OSBPL10: variants seen among roughly 807,000 people sequenced by gnomAD.
The protein encoded by OSBPL10 is oxysterol-binding protein-related protein 10.
Under a neutral mutation model 81.7 loss-of-function variants are expected in OSBPL10, and 49 were observed. The ratio of observed to expected loss-of-function variants is 0.60; its 90% CI spans 0.48 to 0.76. The LOEUF is 0.76. OSBPL10 is among the 30% of genes least tolerant of loss of function. The pLI is 0.00. For missense variants in OSBPL10, 923 were observed against 987.8 expected, an observed-to-expected ratio of 0.93 and a Z score of 0.88; for synonymous variants, 419 against 383.6, an observed-to-expected ratio of 1.09 and a Z score of -1.08.
At chr3:31,957,776 G>A (rs1487849656) in intron 1 of OSBPL10, among the ~76,000 whole-genome samples, 2 of 152,116 alleles carry the variant, frequency 1.3e-5, no homozygotes, top group Admixed American at 1.3e-4. Context: ...AAATAGCTGG[G>A]ATTACAGGCA....
At chr3:31,866,345 G>A (rs1005118638) in intron 3 of OSBPL10, among the ~76,000 whole-genome samples, 4 of 152,110 alleles carry the variant, frequency 2.6e-5, no homozygotes, top group African/African-American at 7.2e-5. Flanking sequence ...AAGCAGGGGC[G>A]AGGTCTATCA....
chr3:31,722,146 A>AC (rs1414364854), intron 6 of OSBPL10, among the ~76,000 whole-genome samples: 1 of 152,186 alleles, frequency 6.6e-6, no homozygotes, highest in African/African-American at 2.4e-5. Context: ...TGAGACTTAG[A>AC]AATTTTTTTT....
intron 4 of OSBPL10, among the ~76,000 whole-genome samples, chr3:31,823,946 G>A (rs1366622564): frequency 6.6e-6 from 1 of 151,960 alleles, no homozygotes; most frequent in East Asian, 1.9e-4. Flanking sequence ...CCACTGCCCA[G>A]GCTCAAAGGA....
chr3:31,813,246 G>A (rs1340021782), intron 4 of OSBPL10, among the ~76,000 whole-genome samples: 1 of 152,190 alleles, frequency 6.6e-6, no homozygotes, highest in African/African-American at 2.4e-5. Flanking sequence ...GATGACCAAA[G>A]CATCTTTGAG....
At chr3:32,032,539 G>C (rs1314254100) in intron 2 of OSBPL10, among the ~76,000 whole-genome samples, 1 of 152,062 alleles carries the variant, frequency 6.6e-6, no homozygotes, top group East Asian at 1.9e-4. Flanking sequence ...CTTCTTGCAT[G>C]ACCCCTCCTC....
rs373556775 is a variant in OSBPL10 at position 31,911,460 on chromosome 3, G to A, written c.282-31630C>T. ...ATCTCCAGATACCCTCAGGGGAATG[G>A]CGAAACACCACTAAGCTTGGGGTAA... On this transcript the variant is annotated intron_variant, in intron 1 of 11. Transcript: ENST00000396556. 3.3e-3 allele frequency among the ~76,000 whole-genome samples: 500 copies of A among 152,162 alleles called. 2 individuals are homozygous for A. Among genetic ancestry groups the A allele is most frequent in the African/African-American group, 0.011 (454 of 41,528 alleles).
intron 4 of OSBPL10, among the ~76,000 whole-genome samples, chr3:31,768,649 G>A (rs1191988664): frequency 2.0e-5 from 3 of 152,046 alleles, no homozygotes; most frequent in African/African-American, 7.2e-5. Flanking sequence ...AAAGGTAACC[G>A]GCAGCCTGAG....
At chr3:31,694,595 C>G (rs1428006719) in intron 7 of OSBPL10, among the ~76,000 whole-genome samples, 1 of 152,042 alleles carries the variant, frequency 6.6e-6, no homozygotes, top group Non-Finnish European at 1.5e-5. Context: ...CATTTTTACC[C>G]TGTATACACT....
At chr3:31,831,406 C>CA (rs111331865) in intron 3 of OSBPL10, among the ~76,000 whole-genome samples, 3,735 of 108,888 alleles carry the variant, frequency 0.034, 78 homozygotes, top group African/African-American at 0.068. Flanking sequence ...AACTCCGTCT[C>CA]AAAAAAAAAA....
intron 2 of OSBPL10, among the ~76,000 whole-genome samples, chr3:31,999,625 T>C (rs1699125872): frequency 6.6e-6 from 1 of 152,110 alleles, no homozygotes; most frequent in East Asian, 1.9e-4. Flanking sequence ...CCTCCCAAAG[T>C]GCTGGGATTA....
chr3:32,021,490 C>G (rs536395297), intron 2 of OSBPL10, among the ~76,000 whole-genome samples: 1 of 152,190 alleles, frequency 6.6e-6, no homozygotes, highest in Admixed American at 6.5e-5. Context: ...CACTCCCTTA[C>G]GCTCATGAAT....
chr3:31,782,401 C>T (rs1698718836), intron 4 of OSBPL10, among the ~76,000 whole-genome samples: 1 of 152,016 alleles, frequency 6.6e-6, no homozygotes, highest in Admixed American at 6.6e-5. Flanking sequence ...ACCAAGAATC[C>T]ACAAAAGCAA....
chr3:31,853,514 A>C (rs1700822395), intron 3 of OSBPL10, among the ~76,000 whole-genome samples: 1 of 152,168 alleles, frequency 6.6e-6, no homozygotes, highest in African/African-American at 2.4e-5. Flanking sequence ...AATGCAAATC[A>C]AGGTTAGCCA....
chr3:31,959,797 T>G (rs1023902815), intron 1 of OSBPL10, among the ~76,000 whole-genome samples: 4 of 152,300 alleles, frequency 2.6e-5, no homozygotes, highest in Middle Eastern at 3.4e-3. Flanking sequence ...AAACAGAACT[T>G]GGGCAAGTTC....
intron 5 of OSBPL10, among the ~76,000 whole-genome samples, chr3:31,738,651 C>T (rs1489940576): frequency 6.6e-6 from 1 of 152,134 alleles, no homozygotes. Flanking sequence ...GAGGCACGTA[C>T]ATATTACCAC....
chr3:31,896,625 G>C (rs1696065999), intron 1 of OSBPL10, among the ~76,000 whole-genome samples: 1 of 152,236 alleles, frequency 6.6e-6, no homozygotes, highest in African/African-American at 2.4e-5. Context: ...GATTCAAGGA[G>C]GCTCCTCTAG....
intron 8 of OSBPL10, 83 bp downstream of exon 8, chr3:31,683,551 C>G: frequency 6.6e-7 from 1 of 1,514,908 alleles, no homozygotes; most frequent in Non-Finnish European, 8.8e-7. Flanking sequence ...ACAAAAAACT[C>G]CACACACAAA....
chr3:31,734,443 A>G (rs1341514799), intron 5 of OSBPL10, among the ~76,000 whole-genome samples: 1 of 152,090 alleles, frequency 6.6e-6, no homozygotes, highest in African/African-American at 2.4e-5. Context: ...TGCCATTCGA[A>G]TAAAGAGGTC....
intron 4 of OSBPL10, among the ~76,000 whole-genome samples, chr3:31,823,893 C>G (rs567063449): frequency 6.5e-4 from 99 of 151,332 alleles, no homozygotes; most frequent in African/African-American, 2.2e-3. Flanking sequence ...GCTCTATCAC[C>G]TAGGCTGCAG....
Sources: allele counts gnomAD v4.1 joint callset (sites outside exome capture counted in the v4.1 genomes callset), GRCh38; gene constraint gnomAD v4.1.1; transcripts MANE v1.5; gene names NCBI Gene and HGNC (gene_info 2026-07-23, HGNC 2026-07-21).